Variants in EDEM3 observed in about 807,000 individuals in gnomAD.
The protein encoded by EDEM3 is ER degradation enhancing alpha-mannosidase like protein 3.
Under a neutral mutation model 110.2 loss-of-function variants are expected in EDEM3, and 60 were observed. That is an observed-to-expected ratio of 0.54 (90% CI 0.44 to 0.67). The LOEUF is 0.67. Ranked by LOEUF, EDEM3 falls within the 30% of genes least tolerant of loss-of-function variation. EDEM3 has a pLI of 0.00. For synonymous variants in EDEM3, 352 were observed against 382.9 expected (o/e 0.92, Z 0.94); for missense variants, 996 against 1,121.0 (o/e 0.89, Z 1.59).
Position 184,734,644 on chromosome 1 carries a change from C to A in EDEM3, c.346-1G>T. On this transcript the variant is annotated splice_acceptor_variant, in intron 4 of 19. Coordinates refer to ENST00000318130, the MANE Select transcript of EDEM3 (RefSeq NM_025191.4). LOFTEE classifies it high-confidence loss of function. ...CAAATTCTTTAGTTTTATTTAAAAC[C>A]TGGGAGAAGAAAATTATGAAATAAA... The A allele has an allele frequency of 1.6e-6, 2 of 1,270,766 alleles. No individual in the cohort carries two copies. Among genetic ancestry groups the A allele is most frequent in the Non-Finnish European group, 2.2e-6 (2 of 909,282 alleles). 78.7% of individuals were successfully genotyped at this position (1,270,766 alleles called of 1,614,324 possible).
At chr1:184,726,491 A>G in intron 6 of EDEM3, 102 bp from the exon 7 acceptor site, 1 of 1,267,170 alleles carries the variant, frequency 7.9e-7, no homozygotes, top group Non-Finnish European at 1.1e-6. Context: ...CATGAAAATA[A>G]TTCATAAAAT....
intron 9 of EDEM3, 69 bp from the exon 10 acceptor site, chr1:184,719,637 T>C: frequency 2.7e-6 from 4 of 1,458,206 alleles, no homozygotes; most frequent in Non-Finnish European, 3.7e-6. Flanking sequence ...ACACATTAAA[T>C]AGCACTGTGA....
chr1:184,716,766 C>T, intron 13 of EDEM3, 122 bp downstream of exon 13: 1 of 1,357,386 alleles, frequency 7.4e-7, no homozygotes, highest in Non-Finnish European at 9.9e-7. Context: ...AAAGTAAACA[C>T]AAGGAACAAA....
rs1395868127 is a variant in EDEM3 at position 184,751,825 on chromosome 1, C to T, written c.159-2233G>A. Among the ~76,000 whole-genome samples the T allele has an allele frequency of 2.0e-5, 3 of 152,312 alleles. No homozygotes were observed. The East Asian group carries it at 5.8e-4, about 29-fold the overall frequency. On this transcript the variant is annotated intron_variant, in intron 1 of 19. Coordinates refer to ENST00000318130, the MANE Select transcript of EDEM3 (RefSeq NM_025191.4). ...CTGGAGTGCAATGGCACGATCTCTG[C>T]TCGCTGCAACCTTCGCCTCCAGGTT...
rs1650454413 is a variant in EDEM3 at position 184,714,815 on chromosome 1, T to C, written c.1370+2073A>G. Among the ~76,000 whole-genome samples, 3 of 152,134 alleles carry C rather than the reference T, an allele frequency of 2.0e-5. No individual in the cohort carries two copies. The South Asian group carries it at 6.2e-4, about 32-fold the overall frequency. On this transcript the variant is annotated intron_variant, in intron 13 of 19. Transcript: ENST00000318130. The stretch of plus-strand genomic sequence containing the variant: ...AAGTTTACACTAAAAAAAAGAAAAC[T>C]TGGCTGCTCAAAGGCAGGGTGGAGA...
In EDEM3 at chr1:184,706,701, C is replaced by T; in HGVS notation, c.2145G>A (p.Met715Ile). ...KIALIQRGQC[M>I]FAEKARNIQN... is the part of the protein sequence containing the mutation. ...GGATGTTGCGTGCCTTTTCTGCAAA[C>T]ATGCACTGTCCTCTTTGTATCAGTG... The change falls in exon 18 of 20, where the codon ATG becomes ATA. Residue 715 changes from methionine (M) to isoleucine (I), a missense_variant. By Grantham distance (10) the Met-to-Ile change is conservative (BLOSUM62 1). Coordinates refer to ENST00000318130, the MANE Select transcript of EDEM3 (RefSeq NM_025191.4). 1 of 1,613,948 alleles carries T rather than the reference C, an allele frequency of 6.2e-7. No individual in the cohort carries two copies. The highest frequency in any genetic ancestry group is 8.5e-7 in the Non-Finnish European group (1 of 1,179,876).
intron 11 of EDEM3, 40 bp downstream of exon 11, chr1:184,719,118 GTGTT>G (rs761251554): frequency 2.4e-5 from 27 of 1,112,428 alleles, no homozygotes; most frequent in Admixed American, 4.7e-5. Flanking sequence ...GTGTGTGTGT[GTGTT>G]TGTGTGTGTG....
chr1:184,753,202 T>A (rs1652868477), intron 1 of EDEM3, among the ~76,000 whole-genome samples: 1 of 147,768 alleles, frequency 6.8e-6, no homozygotes, highest in South Asian at 2.2e-4. Flanking sequence ...TGAGCTCAGA[T>A]TTTTTTTTTC....
rs199649087 is a variant in EDEM3, at chr1:184,692,852, CTTT to C, written c.*1208_*1210del. The C allele has an allele frequency of 6.9e-6, 1 of 144,102 alleles. No homozygotes were observed. Among genetic ancestry groups the C allele is most frequent in the Admixed American group, 7.0e-5 (1 of 14,362 alleles). 8.9% of individuals were successfully genotyped at this position (144,102 alleles called of 1,614,324 possible). A position where few individuals can be genotyped will look rare whatever the true frequency, so the allele number is the denominator to read the frequency against. On this transcript the variant is annotated 3_prime_UTR_variant, in exon 20 of 20. Coordinates refer to ENST00000318130, the MANE Select transcript of EDEM3 (RefSeq NM_025191.4). ...TATAGCTATATGTAGTTGTATTGTA[CTTT>C]TTTTTTTAAACACAGGTCACCATAC...
intron 19 of EDEM3, among the ~76,000 whole-genome samples, chr1:184,702,067 G>C (rs1357744537): frequency 6.6e-6 from 1 of 152,094 alleles, no homozygotes; most frequent in Non-Finnish European, 1.5e-5. Context: ...CAGCAGACAG[G>C]AAAGACTGCT....
chr1:184,717,059 AC>A, intron 12 of EDEM3, 47 bp from the exon 13 acceptor site: 2 of 1,436,074 alleles, frequency 1.4e-6, no homozygotes, highest in Non-Finnish European at 1.9e-6. Context: ...CTTATATATT[AC>A]CACATATCCA....
intron 13 of EDEM3, among the ~76,000 whole-genome samples, 194 bp from the exon 14 acceptor site, chr1:184,712,792 A>C (rs1650327238): frequency 1.3e-5 from 2 of 152,214 alleles, no homozygotes; most frequent in South Asian, 4.1e-4. Flanking sequence ...GAAAAAGACC[A>C]GAGGAGTTGT....
chr1:184,714,740 T>C (rs924340977), intron 13 of EDEM3, among the ~76,000 whole-genome samples: 1 of 151,988 alleles, frequency 6.6e-6, no homozygotes, highest in Non-Finnish European at 1.5e-5. Context: ...GACCAAAATC[T>C]AGAAACAAAA....
rs912710819 is a variant in EDEM3 at position 184,690,916 on chromosome 1, G to A, written c.*3147C>T. On this transcript the variant is annotated 3_prime_UTR_variant, in exon 20 of 20. Coordinates refer to ENST00000318130, the MANE Select transcript of EDEM3 (RefSeq NM_025191.4). ...GCAGTATTTGAATTACTTATGCTGA[G>A]CTTTCTTCATGATGAATTTGGCATG... The A allele has an allele frequency of 6.6e-6, 1 of 152,268 alleles. No individual in the cohort carries two copies. The highest frequency in any genetic ancestry group is 1.5e-5 in the Non-Finnish European group (1 of 67,968). 9.4% of individuals were successfully genotyped at this position (152,268 alleles called of 1,614,324 possible).
chr1:184,722,460 G>A (rs1650958164), intron 8 of EDEM3, among the ~76,000 whole-genome samples: 1 of 151,966 alleles, frequency 6.6e-6, no homozygotes, highest in Non-Finnish European at 1.5e-5. Flanking sequence ...CTAGAAAACA[G>A]TGAATGAATA....
intron 7 of EDEM3, among the ~76,000 whole-genome samples, chr1:184,724,120 C>T (rs1412102753): frequency 6.6e-6 from 1 of 151,954 alleles, no homozygotes; most frequent in Non-Finnish European, 1.5e-5. Flanking sequence ...TTCATCTACT[C>T]TTTTTGTTTT....
At chr1:184,736,148 C>T (rs1651809669) in intron 4 of EDEM3, among the ~76,000 whole-genome samples, 1 of 151,976 alleles carries the variant, frequency 6.6e-6, no homozygotes, top group African/African-American at 2.4e-5. Flanking sequence ...ATGCCCAGTC[C>T]CACTCCACAA....
chr1:184,739,952 G>C (rs555236400), intron 2 of EDEM3, among the ~76,000 whole-genome samples: 16 of 152,166 alleles, frequency 1.1e-4, no homozygotes, highest in Non-Finnish European at 2.2e-4. Flanking sequence ...AAAGGACATA[G>C]GAGTTGATGC....
Position 184,754,660 on chromosome 1 carries a change from C to G in EDEM3, c.-14G>C, listed in dbSNP as rs3795407. The G allele has an allele frequency of 0.012, 17,991 of 1,535,314 alleles. 207 individuals are homozygous for G. Among genetic ancestry groups the G allele is most frequent in the East Asian group, 0.05 (2,047 of 40,804 alleles). On this transcript the variant is annotated 5_prime_UTR_variant, in exon 1 of 20. Transcript: ENST00000318130. ...GGCTTCGCTCATGGCCCCGCGGTTC[C>G]GCGCACGCGCAGCTGCTACGCCCGG...
Sources: allele counts gnomAD v4.1 joint callset (sites outside exome capture counted in the v4.1 genomes callset), GRCh38; gene constraint gnomAD v4.1.1; transcripts MANE v1.5; gene names NCBI Gene and HGNC (gene_info 2026-07-23, HGNC 2026-07-21).